The following ZFPM2 variants were observed in gnomAD, a reference collection of about 807,000 sequenced individuals.
ZFPM2 encodes the protein zinc finger protein, FOG family member 2.
ZFPM2 carries 20 observed loss-of-function variants against 98.6 expected under a neutral mutation model. The ratio of observed to expected loss-of-function variants is 0.20; its 90% confidence interval spans 0.14 to 0.29. The LOEUF (loss-of-function observed/expected upper bound fraction) is 0.29, where lower values mean the gene tolerates loss of function less well. Ranked by LOEUF, ZFPM2 falls within the 10% of genes least tolerant of loss-of-function variation. The probability of loss-of-function intolerance (pLI) is 1.00; values close to 1 mark genes in which losing one functional copy is unlikely to be tolerated. For synonymous variants in ZFPM2, 518 were observed against 502.7 expected (o/e 1.03, Z -0.41); for missense variants, 1,310 against 1,388.6 (o/e 0.94, Z 0.90).
chr8:105,770,648 T>C (rs1234043001), intron 5 of ZFPM2, among the ~76,000 whole-genome samples: 2 of 152,126 alleles, frequency 1.3e-5, no homozygotes, highest in African/African-American at 4.8e-5. Flanking sequence ...ATTTAGATAG[T>C]AAGTAAACTC....
At chr8:105,657,774 C>T (rs1817313289) in intron 5 of ZFPM2, among the ~76,000 whole-genome samples, 1 of 152,210 alleles carries the variant, frequency 6.6e-6, no homozygotes, top group Admixed American at 6.5e-5. Flanking sequence ...AGGATAGAGT[C>T]ATAATTTGGA....
chr8:105,409,906 T>C (rs573068475), intron 1 of ZFPM2, among the ~76,000 whole-genome samples: 1 of 151,984 alleles, frequency 6.6e-6, no homozygotes, highest in East Asian at 1.9e-4. Flanking sequence ...GGTACCAAAC[T>C]TGGAGAACCC....
chr8:105,675,408 C>T (rs532108464), intron 5 of ZFPM2, among the ~76,000 whole-genome samples: 169 of 152,210 alleles, frequency 1.1e-3, no homozygotes, highest in Non-Finnish European at 2.0e-3. Flanking sequence ...CAAAATGCTG[C>T]AATGAAAGGG....
At chr8:105,620,708 A>G (rs1048397443) in intron 4 of ZFPM2, among the ~76,000 whole-genome samples, 2 of 152,138 alleles carry the variant, frequency 1.3e-5, no homozygotes, top group Admixed American at 6.5e-5. Flanking sequence ...TGATTTTTAT[A>G]TAAATTGTAA....
intron 5 of ZFPM2, among the ~76,000 whole-genome samples, chr8:105,649,202 T>A (rs1195359817): frequency 1.3e-5 from 2 of 152,232 alleles, no homozygotes; most frequent in African/African-American, 4.8e-5. Flanking sequence ...TGTATAGGAA[T>A]GCTTGTGATT....
intron 1 of ZFPM2, among the ~76,000 whole-genome samples, chr8:105,384,117 C>T (rs1372011271): frequency 3.3e-5 from 5 of 152,174 alleles, no homozygotes; most frequent in East Asian, 1.9e-4. Context: ...GACACAATCC[C>T]GTGGACACCT....
intron 1 of ZFPM2, among the ~76,000 whole-genome samples, chr8:105,405,605 G>C (rs1811434247): frequency 6.6e-6 from 1 of 151,976 alleles, no homozygotes; most frequent in Admixed American, 6.6e-5. Flanking sequence ...CAAAGGACAT[G>C]AACTCATCAT....
chr8:105,426,525 C>G (rs1315153214), intron 2 of ZFPM2, among the ~76,000 whole-genome samples: 3 of 152,102 alleles, frequency 2.0e-5, no homozygotes, highest in Non-Finnish European at 4.4e-5. Context: ...TTGGCAGAGC[C>G]TCTGTTTTCC....
At chr8:105,762,002 A>G (rs189621393) in intron 5 of ZFPM2, among the ~76,000 whole-genome samples, 48 of 152,098 alleles carry the variant, frequency 3.2e-4, no homozygotes, top group Admixed American at 3.1e-3. Context: ...GCTCTTTCCC[A>G]TAAAACATAT....
chr8:105,364,607 TTG>T (rs989783040), intron 1 of ZFPM2, among the ~76,000 whole-genome samples: 1 of 151,772 alleles, frequency 6.6e-6, no homozygotes, highest in Non-Finnish European at 1.5e-5. Context: ...AATGTAGAGA[TTG>T]TGTCTGTCTT....
intron 4 of ZFPM2, among the ~76,000 whole-genome samples, chr8:105,628,822 C>T (rs184486173): frequency 6.6e-6 from 1 of 152,244 alleles, no homozygotes; most frequent in East Asian, 1.9e-4. Flanking sequence ...TTTTCCCAGA[C>T]CACCAGACAA....
At chr8:105,584,986 C>A (rs1815681197) in intron 4 of ZFPM2, among the ~76,000 whole-genome samples, 1 of 151,978 alleles carries the variant, frequency 6.6e-6, no homozygotes, top group African/African-American at 2.4e-5. Context: ...AGCAAATGAG[C>A]CTTTTTGGGA....
intron 1 of ZFPM2, among the ~76,000 whole-genome samples, chr8:105,395,200 T>G (rs1463784874): frequency 6.6e-6 from 1 of 152,242 alleles, no homozygotes; most frequent in Non-Finnish European, 1.5e-5. Flanking sequence ...AGGTTCATTA[T>G]GTTTATGCTG....
chr8:105,393,979 C>T (rs558550850), intron 1 of ZFPM2, among the ~76,000 whole-genome samples: 9 of 151,180 alleles, frequency 6.0e-5, no homozygotes, highest in African/African-American at 1.7e-4. Flanking sequence ...CTGCAAGCTC[C>T]GCTTCCTGGG....
intron 5 of ZFPM2, among the ~76,000 whole-genome samples, chr8:105,713,541 TTTTG>T (rs1186254727): frequency 1.3e-5 from 2 of 152,136 alleles, no homozygotes; most frequent in Non-Finnish European, 2.9e-5. Context: ...ACTTGTCAAC[TTTTG>T]TTTTTGTTGC....
chr8:105,459,023 A>G (rs1380286385), intron 3 of ZFPM2, among the ~76,000 whole-genome samples: 1 of 152,182 alleles, frequency 6.6e-6, no homozygotes, highest in Non-Finnish European at 1.5e-5. Flanking sequence ...GGGCATGAAA[A>G]ATATTCTACA....
At chr8:105,391,564 ACTTATGCGTCGTCAATAATGT>A (rs541402942) in intron 1 of ZFPM2, among the ~76,000 whole-genome samples, 256 of 152,330 alleles carry the variant, frequency 1.7e-3, no homozygotes, top group African/African-American at 5.7e-3. Flanking sequence ...CACACACCCT[ACTTATGCGTCGTCAATAATGT>A]CTATAAAATA....
At chr8:105,712,422 G>A (rs148350665) in intron 5 of ZFPM2, among the ~76,000 whole-genome samples, 8 of 152,122 alleles carry the variant, frequency 5.3e-5, no homozygotes, top group Non-Finnish European at 7.4e-5. Flanking sequence ...TCAAATTAAC[G>A]TTGTGAGGTA....
chr8:105,680,927 C>A (rs1484384647), intron 5 of ZFPM2, among the ~76,000 whole-genome samples: 1 of 151,734 alleles, frequency 6.6e-6, no homozygotes, highest in African/African-American at 2.4e-5. Flanking sequence ...GAGCAGACAA[C>A]AAACAATATA....
Sources: allele counts gnomAD v4.1 joint callset (sites outside exome capture counted in the v4.1 genomes callset), GRCh38; gene constraint gnomAD v4.1.1; transcripts MANE v1.5; gene names NCBI Gene and HGNC (gene_info 2026-07-23, HGNC 2026-07-21).